The following KIAA0586 variants were observed in gnomAD, a reference collection of about 807,000 sequenced individuals.
KIAA0586 encodes the protein protein TALPID3.
In KIAA0586, 144 loss-of-function variants were observed where a neutral mutation model predicts 169.8. The observed-to-expected ratio is 0.85, with a 90% CI of 0.74 to 0.97. The LOEUF is 0.97. KIAA0586 is among the 50% of genes least tolerant of loss of function. The probability of loss-of-function intolerance (pLI) is 0.00; values close to 1 mark genes in which losing one functional copy is unlikely to be tolerated. For synonymous variants in KIAA0586, 625 were observed against 612.4 expected, an observed-to-expected ratio of 1.02 and a Z score of -0.30; for missense variants, 1,854 against 1,823.0, an observed-to-expected ratio of 1.02 and a Z score of -0.31.
chr14:58,432,756 C>T (rs186708972), intron 4 of KIAA0586, among the ~76,000 whole-genome samples: 7 of 152,274 alleles, frequency 4.6e-5, no homozygotes, highest in South Asian at 2.1e-4. Context: ...AGTCTCGCGT[C>T]GCCCAGGCTG....
Position 58,484,901 on chromosome 14 carries a change from T to TATTTATATATATTTTTATATATATATA in KIAA0586, c.3145-2104_3145-2103insTTATATATATTTTTATATATATATAAT, listed in dbSNP as rs2042298417. 1.6e-3 allele frequency among the ~76,000 whole-genome samples: 8 copies of TATTTATATATATTTTTATATATATATA among 4,952 alleles called. 2 individuals are homozygous for TATTTATATATATTTTTATATATATATA. The highest frequency in any genetic ancestry group is 3.4e-3 in the Non-Finnish European group (8 of 2,338). 3.2% of individuals were successfully genotyped at this position (4,952 alleles called of 152,430 possible). A position where few individuals can be genotyped will look rare whatever the true frequency, so the allele number is the denominator to read the frequency against. ...TATTATATATATATTTATATATATATATATATATATATATATATATATATT... is the reference window on the plus strand; with the variant it reads ...TATTATATATATATTTATATATATATATTTATATATATTTTTATATATATATAATATATATATATATATATATATATT... On this transcript the variant is annotated intron_variant, in intron 21 of 30. Transcript: ENST00000652326.
intron 15 of KIAA0586, 75 bp downstream of exon 15, chr14:58,466,104 C>G (rs1470197587): frequency 1.7e-6 from 2 of 1,147,792 alleles, no homozygotes; most frequent in Non-Finnish European, 2.5e-6. Context: ...TTATTAGAGA[C>G]GGGGTTTCAC....
At chr14:58,434,881 C>G (rs1476098565) in intron 4 of KIAA0586, among the ~76,000 whole-genome samples, 2 of 152,058 alleles carry the variant, frequency 1.3e-5, no homozygotes, top group African/African-American at 4.8e-5. Flanking sequence ...AGTAATCCTA[C>G]AACCTGAGGT....
chr14:58,517,802 C>T lies in KIAA0586; in HGVS notation c.4429+5175C>T, dbSNP rs371406662. On this transcript the variant is annotated intron_variant, in intron 29 of 30. Coordinates refer to ENST00000652326, the MANE Select transcript of KIAA0586 (RefSeq NM_001329943.3). ...GGAATAGTACTCAGCAATGAACAGACGTGAACTACTGATACACACACAACA... is the reference window on the plus strand; with the variant it reads ...GGAATAGTACTCAGCAATGAACAGATGTGAACTACTGATACACACACAACA... 1.4e-4 allele frequency among the ~76,000 whole-genome samples: 21 copies of T among 152,212 alleles called. 1 individual carries two copies. The highest frequency in any genetic ancestry group is 6.8e-3 in the Middle Eastern group (2 of 294).
At chr14:58,477,076 A>G (rs960365974) in intron 19 of KIAA0586, 47 bp from the exon 20 acceptor site, 3 of 1,040,062 alleles carry the variant, frequency 2.9e-6, no homozygotes, top group African/African-American at 1.6e-5. Context: ...TTACATTTCA[A>G]TCAAATTGAG....
intron 27 of KIAA0586, among the ~76,000 whole-genome samples, chr14:58,499,264 T>G (rs2043378740): frequency 1.3e-5 from 2 of 152,288 alleles, no homozygotes; most frequent in South Asian, 4.1e-4. Context: ...TTCTATTTAT[T>G]TATTTAGAGA....
At chr14:58,479,107 C>G (rs768580375) in intron 20 of KIAA0586, among the ~76,000 whole-genome samples, 1 of 152,228 alleles carries the variant, frequency 6.6e-6, no homozygotes, top group South Asian at 2.1e-4. Flanking sequence ...CTAAACATTT[C>G]CAAAAGTGGG....
chr14:58,450,048 G>C (rs932118595), intron 7 of KIAA0586, among the ~76,000 whole-genome samples: 1 of 152,020 alleles, frequency 6.6e-6, no homozygotes, highest in African/African-American at 2.4e-5. Context: ...ATTTTAACTT[G>C]TAATGACTAA....
intron 8 of KIAA0586, among the ~76,000 whole-genome samples, chr14:58,453,111 G>T (rs979711661): frequency 3.3e-5 from 5 of 151,358 alleles, no homozygotes; most frequent in Non-Finnish European, 5.9e-5. Context: ...TAGAGACGGG[G>T]TTTCTCCATG....
At chr14:58,524,030 A>T (rs996655255) in intron 29 of KIAA0586, among the ~76,000 whole-genome samples, 2 of 152,226 alleles carry the variant, frequency 1.3e-5, no homozygotes, top group African/African-American at 2.4e-5. Flanking sequence ...ACAGTGGATT[A>T]TTCCACTAAA....
intron 26 of KIAA0586, 150 bp from the exon 27 acceptor site, chr14:58,498,633 C>T (rs2043332111): frequency 6.1e-6 from 3 of 489,918 alleles, no homozygotes; most frequent in Admixed American, 8.6e-5. Flanking sequence ...TTGAACTTTT[C>T]TTGCATGTAA....
At chr14:58,531,333 A>T (rs2045950473) in intron 29 of KIAA0586, among the ~76,000 whole-genome samples, 1 of 151,000 alleles carries the variant, frequency 6.6e-6, no homozygotes, top group African/African-American at 2.4e-5. Flanking sequence ...TCTCAAAAAA[A>T]AAAAAAAATA....
chr14:58,471,840 G>A (rs2041239085), intron 17 of KIAA0586, among the ~76,000 whole-genome samples: 1 of 149,020 alleles, frequency 6.7e-6, no homozygotes, highest in African/African-American at 2.5e-5. Context: ...CCATCTTCAT[G>A]TGAGTTCATA....
In KIAA0586 at chr14:58,439,288, G is replaced by C. The variant is rs753503606; in HGVS notation, c.411-3418G>C. On this transcript the variant is annotated intron_variant, in intron 4 of 30. Coordinates refer to ENST00000652326, the MANE Select transcript of KIAA0586 (RefSeq NM_001329943.3). ...TGCAAGCTCCAACTCCTGGGTTCAC[G>C]CCATTCTCCTTCCTCAGCCTCCGTA... is the stretch of plus-strand genomic sequence containing the variant. 4.6e-5 allele frequency among the ~76,000 whole-genome samples: 7 copies of C among 152,042 alleles called. No individual in the cohort carries two copies. The South Asian group carries it at 6.2e-4, about 13-fold the overall frequency.
chr14:58,525,103 G>C (rs1194351800), intron 29 of KIAA0586, among the ~76,000 whole-genome samples: 1 of 152,100 alleles, frequency 6.6e-6, no homozygotes, highest in Admixed American at 6.5e-5. Flanking sequence ...GATAGGAAAT[G>C]AACCTATATT....
At chr14:58,537,291 T>G (rs2046348985) in intron 29 of KIAA0586, 1 of 534,644 alleles carries the variant, frequency 1.9e-6, no homozygotes, top group South Asian at 7.3e-5. Flanking sequence ...CAGTTTTGAC[T>G]GAGGAGAGTT....
At chr14:58,467,189 G>C (rs930707584) in intron 15 of KIAA0586, among the ~76,000 whole-genome samples, 1 of 151,996 alleles carries the variant, frequency 6.6e-6, no homozygotes, top group Non-Finnish European at 1.5e-5. Flanking sequence ...CTGTGTGCCC[G>C]GTACAGTTCT....
At chr14:58,442,974 G>T in intron 5 of KIAA0586, 94 bp downstream of exon 5, 1 of 892,976 alleles carries the variant, frequency 1.1e-6, no homozygotes, top group East Asian at 2.7e-5. Flanking sequence ...TCCAGTTATA[G>T]ACTAGGAACA....
In KIAA0586 at chr14:58,430,701, G is replaced by A; in HGVS notation, c.324G>A (p.Glu108=). 1 of 1,592,166 alleles carries A rather than the reference G, an allele frequency of 6.3e-7. No homozygotes were observed. The highest frequency in any genetic ancestry group is 8.6e-7 in the Non-Finnish European group (1 of 1,164,636). The change falls in exon 3 of 31, where the codon GAG becomes GAA. Residue 108 remains glutamate (E), a synonymous_variant. Transcript: ENST00000652326. ...TGTTGCCTTTGGATAAAATAGAAGA[G>A]AACAACAAGCAAAAAGGTAAAAGAA... ...VQVLPLDKIE[E]NNKQKANDIF...
Sources: gnomAD v4.1 joint callset for allele counts (sites outside exome capture counted in the v4.1 genomes callset) on GRCh38, gnomAD v4.1.1 for gene constraint, MANE v1.5 for transcripts, NCBI Gene and HGNC (gene_info 2026-07-23, HGNC 2026-07-21) for gene names.